PAK2: variants seen among roughly 807,000 people sequenced by gnomAD.
PAK2 encodes serine/threonine-protein kinase PAK 2.
PAK2 carries 21 observed loss-of-function variants against 65.9 expected under a neutral mutation model. The observed-to-expected ratio is 0.32, with a 90% CI of 0.23 to 0.46. PAK2 has a LOEUF of 0.46. Ranked by LOEUF, PAK2 falls within the 20% of genes least tolerant of loss-of-function variation. The pLI is 1.00. For synonymous variants in PAK2, 204 were observed against 219.7 expected, an observed-to-expected ratio of 0.93 and a Z score of 0.63; for missense variants, 324 against 642.6, an observed-to-expected ratio of 0.50 and a Z score of 5.36.
At chr3:196,783,712 C>A (rs1425430199) in intron 2 of PAK2, among the ~76,000 whole-genome samples, 2 of 152,200 alleles carry the variant, frequency 1.3e-5, no homozygotes, top group African/African-American at 4.8e-5. Context: ...TTCTCTTCGT[C>A]CCCAATATCC....
At chr3:196,808,307 A>G (rs935961090) in intron 7 of PAK2, among the ~76,000 whole-genome samples, 1 of 151,458 alleles carries the variant, frequency 6.6e-6, no homozygotes, top group Admixed American at 6.6e-5. Context: ...TCACGCCTGT[A>G]ATCCCAGCAC....
intron 1 of PAK2, among the ~76,000 whole-genome samples, chr3:196,759,488 GGTTTTTTTTGTTTTTT>G (rs1349873792): frequency 1.3e-4 from 15 of 111,146 alleles, no homozygotes; most frequent in Non-Finnish European, 2.3e-4. Flanking sequence ...ACAGTTAAGT[GGTTTTTTTTGTTTTTT>G]TTTTTTTTTT....
At position 196,812,901 on chromosome 3, in the gene PAK2, G is replaced by A. The variant is rs374716742; in HGVS notation, c.935+50G>A. On this transcript the variant is annotated intron_variant, in intron 10 of 14. Coordinates refer to ENST00000327134, the MANE Select transcript of PAK2 (RefSeq NM_002577.4). ...CCGGGAGAAAATGTAGAAATTTTAA[G>A]TCTCATGGTTTCGGGGGTGGGGCTG... The A allele has an allele frequency of 1.7e-5, 14 of 843,520 alleles. No homozygotes were observed. The African/African-American group carries it at 2.4e-4, about 14-fold the overall frequency. The allele number at this position is 843,520 out of a possible 1,614,324, so 52.3% of individuals were successfully genotyped here. A position where few individuals can be genotyped will look rare whatever the true frequency, so the allele number is the denominator to read the frequency against.
intron 2 of PAK2, among the ~76,000 whole-genome samples, chr3:196,795,560 A>C (rs1715231141): frequency 6.6e-6 from 1 of 152,144 alleles, no homozygotes; most frequent in African/African-American, 2.4e-5. Context: ...TATATATAGG[A>C]CGAAGATAGA....
chr3:196,763,782 A>G (rs1213791218), intron 1 of PAK2, among the ~76,000 whole-genome samples: 1 of 152,106 alleles, frequency 6.6e-6, no homozygotes, highest in African/African-American at 2.4e-5. Flanking sequence ...ACTGTCTACA[A>G]AGAGATCCAG....
chr3:196,797,439 G>A (rs1464141343), intron 2 of PAK2, among the ~76,000 whole-genome samples: 1 of 151,906 alleles, frequency 6.6e-6, no homozygotes, highest in African/African-American at 2.4e-5. Context: ...CACCAGCCTG[G>A]GCGACAGAGC....
In PAK2 at chr3:196,807,776, C is replaced by G; in HGVS notation, c.577-6C>G. 1 of 1,561,542 alleles carries G rather than the reference C, an allele frequency of 6.4e-7. No homozygotes were observed. On this transcript the variant is annotated splice_polypyrimidine_tract_variant and splice_region_variant and intron_variant, in intron 6 of 14. Coordinates refer to ENST00000327134, the MANE Select transcript of PAK2 (RefSeq NM_002577.4). The stretch of plus-strand genomic sequence containing the variant: ...CAAACCTTGGTAATGAACTGTGTCT[C>G]CACAGATTTACACACGGTCTGTAAT...
chr3:196,773,529 T>C (rs1409389707), intron 1 of PAK2, among the ~76,000 whole-genome samples: 1 of 152,140 alleles, frequency 6.6e-6, no homozygotes, highest in African/African-American at 2.4e-5. Context: ...TCTTTCTAAA[T>C]ATATTTTTGT....
rs142780441 is a variant in PAK2, at chr3:196,786,255, C to T, written c.187+3422C>T. Reference sequence around the variant, plus strand: ...TCAGCTCTCTGCAACCTCCGCCCCCCGGGTTCAATCAATTCTCCTGCCTCA... The same window carrying T: ...TCAGCTCTCTGCAACCTCCGCCCCCTGGGTTCAATCAATTCTCCTGCCTCA... On this transcript the variant is annotated intron_variant, in intron 2 of 14. Transcript: ENST00000327134. Among the ~76,000 whole-genome samples, 1,071 of 151,998 alleles carry T rather than the reference C, an allele frequency of 7.0e-3. 12 individuals are homozygous for T. Among genetic ancestry groups the T allele is most frequent in the African/African-American group, 0.023 (965 of 41,438 alleles).
intron 1 of PAK2, among the ~76,000 whole-genome samples, chr3:196,771,520 T>C (rs940603096): frequency 1.3e-5 from 2 of 150,960 alleles, no homozygotes; most frequent in African/African-American, 5.0e-5. Flanking sequence ...AGTAGTTGTA[T>C]GTTAGACCAT....
At position 196,812,435 on chromosome 3, in the gene PAK2, T is replaced by G. The variant is rs556162446; in HGVS notation, c.822+168T>G. Among the ~76,000 whole-genome samples the G allele has an allele frequency of 5.3e-5, 8 of 152,324 alleles. No homozygotes were observed. In the East Asian group the frequency reaches 9.6e-4, roughly 18 times the overall value. ...TGTCAGTAAGGCGGGGAAGGACTTATGAGTTCAATGTCATAAATAAGCAAA... is the reference window on the plus strand; with the variant it reads ...TGTCAGTAAGGCGGGGAAGGACTTAGGAGTTCAATGTCATAAATAAGCAAA... On this transcript the variant is annotated intron_variant, in intron 9 of 14. Transcript: ENST00000327134.
intron 1 of PAK2, among the ~76,000 whole-genome samples, chr3:196,755,457 CT>C (rs10710047): frequency 0.73 from 90,442 of 123,440 alleles, 32,897 homozygotes; most frequent in Non-Finnish European, 0.79. Flanking sequence ...CTTCTTCCGA[CT>C]TTTTTTTTTT....
intron 13 of PAK2, among the ~76,000 whole-genome samples, chr3:196,821,652 C>G (rs1272609123): frequency 6.6e-6 from 1 of 152,122 alleles, no homozygotes; most frequent in Admixed American, 6.6e-5. Flanking sequence ...CATCGCACTC[C>G]AGCCTGGTCG....
chr3:196,766,784 T>C (rs1714183021), intron 1 of PAK2, among the ~76,000 whole-genome samples: 2 of 141,450 alleles, frequency 1.4e-5, no homozygotes, highest in Middle Eastern at 7.0e-3. Flanking sequence ...ATGGATGTCT[T>C]AATTTGATTG....
intron 1 of PAK2, among the ~76,000 whole-genome samples, chr3:196,763,350 G>T (rs7613010): frequency 0.44 from 67,444 of 151,904 alleles, 15,765 homozygotes; most frequent in Non-Finnish European, 0.53. Flanking sequence ...TGGAGGAGCT[G>T]CCTGCCCATC....
At chr3:196,742,462 A>G (rs1316470967) in intron 1 of PAK2, among the ~76,000 whole-genome samples, 2 of 152,220 alleles carry the variant, frequency 1.3e-5, no homozygotes, top group African/African-American at 2.4e-5. Flanking sequence ...TTTCAATTAT[A>G]CTTTTCTAAT....
chr3:196,780,893 A>G (rs374707317), intron 1 of PAK2, among the ~76,000 whole-genome samples: 2 of 152,066 alleles, frequency 1.3e-5, no homozygotes, highest in African/African-American at 2.4e-5. Flanking sequence ...GGTTCACGCC[A>G]TTCTCCTGCC....
intron 1 of PAK2, among the ~76,000 whole-genome samples, chr3:196,749,106 C>T (rs2108708325): frequency 6.6e-6 from 1 of 151,598 alleles, no homozygotes; most frequent in African/African-American, 2.4e-5. Flanking sequence ...GAATAGTATT[C>T]CCATGTGTGT....
intron 1 of PAK2, among the ~76,000 whole-genome samples, chr3:196,752,914 T>C (rs1713651929): frequency 6.6e-6 from 1 of 151,974 alleles, no homozygotes; most frequent in Admixed American, 6.6e-5. Flanking sequence ...AGACAAGGTC[T>C]CGCTCTTGTC....
Sources: allele counts gnomAD v4.1 joint callset (sites outside exome capture counted in the v4.1 genomes callset), GRCh38; gene constraint gnomAD v4.1.1; transcripts MANE v1.5; gene names NCBI Gene and HGNC (gene_info 2026-07-23, HGNC 2026-07-21).